The following FBXL5 variants were observed in gnomAD, a reference collection of about 807,000 sequenced individuals.
FBXL5 encodes the protein F-box/LRR-repeat protein 5.
Under a neutral mutation model 78.3 loss-of-function variants are expected in FBXL5, and 26 were observed. The observed-to-expected ratio is 0.33, with a 90% CI of 0.24 to 0.46. The LOEUF (loss-of-function observed/expected upper bound fraction) is 0.46, where lower values mean the gene tolerates loss of function less well. FBXL5 is among the 20% of genes least tolerant of loss of function. FBXL5 has a pLI of 1.00. For synonymous variants in FBXL5, 295 were observed against 282.5 expected (o/e 1.04, Z -0.45); for missense variants, 710 against 829.2 (o/e 0.86, Z 1.77).
At chr4:15,637,260 T>A (rs1714375837) in intron 4 of FBXL5, among the ~76,000 whole-genome samples, 1 of 152,248 alleles carries the variant, frequency 6.6e-6, no homozygotes, top group Non-Finnish European at 1.5e-5. Context: ...CGACAAAATG[T>A]AGATATTTCT....
intron 3 of FBXL5, among the ~76,000 whole-genome samples, chr4:15,639,965 A>G (rs200934737): frequency 2.9e-4 from 44 of 152,352 alleles, no homozygotes; most frequent in East Asian, 2.3e-3. Context: ...TAGAGACAGA[A>G]GAAAAAGGGA....
chr4:15,630,883 C>A, intron 5 of FBXL5, 92 bp from the exon 6 acceptor site: 4 of 1,505,878 alleles, frequency 2.7e-6, no homozygotes, highest in East Asian at 2.4e-5. Flanking sequence ...AAAATCTCTA[C>A]AAAGAGAAAA....
At chr4:15,636,964 C>A (rs1714346771) in intron 4 of FBXL5, among the ~76,000 whole-genome samples, 1 of 152,148 alleles carries the variant, frequency 6.6e-6, no homozygotes, top group Admixed American at 6.5e-5. Context: ...AAAAACAATA[C>A]TCACTTTGTA....
At chr4:15,646,262 C>A (rs910047806) in intron 1 of FBXL5, among the ~76,000 whole-genome samples, 1 of 152,110 alleles carries the variant, frequency 6.6e-6, no homozygotes, top group African/African-American at 2.4e-5. Flanking sequence ...AAATACTATT[C>A]TTCTTTTGAT....
At chr4:15,681,028 A>G (rs987935371) in intron 1 of FBXL5, among the ~76,000 whole-genome samples, 2 of 151,306 alleles carry the variant, frequency 1.3e-5, no homozygotes, top group African/African-American at 4.8e-5. Flanking sequence ...ACTTATTTGC[A>G]CGAACCTATC....
At chr4:15,649,038 C>A (rs1029022432) in intron 1 of FBXL5, among the ~76,000 whole-genome samples, 2 of 151,530 alleles carry the variant, frequency 1.3e-5, no homozygotes, top group Non-Finnish European at 2.9e-5. Flanking sequence ...ATCAACAGAT[C>A]AACAGATCAA....
intron 10 of FBXL5, among the ~76,000 whole-genome samples, chr4:15,609,444 T>C (rs1722097182): frequency 6.6e-6 from 1 of 152,096 alleles, no homozygotes; most frequent in African/African-American, 2.4e-5. Context: ...ATGCTGTATA[T>C]CTGCACTTAC....
At chr4:15,619,801 G>A (rs1712296284) in intron 9 of FBXL5, among the ~76,000 whole-genome samples, 2 of 152,152 alleles carry the variant, frequency 1.3e-5, no homozygotes, top group Non-Finnish European at 2.9e-5. Context: ...TCAGCAACAA[G>A]TAAGACCCAG....
chr4:15,670,637 C>T (rs1316344057), intron 1 of FBXL5, among the ~76,000 whole-genome samples: 1 of 152,076 alleles, frequency 6.6e-6, no homozygotes, highest in East Asian at 1.9e-4. Context: ...CCCTGGGCCC[C>T]TCCCCCCACA....
At chr4:15,635,729 G>A (rs150198850) in intron 5 of FBXL5, among the ~76,000 whole-genome samples, 136 of 148,480 alleles carry the variant, frequency 9.2e-4, no homozygotes, top group Middle Eastern at 6.9e-3. Context: ...CTCTTGCCTG[G>A]GCAACATGAG....
intron 9 of FBXL5, among the ~76,000 whole-genome samples, chr4:15,614,661 G>A (rs1711588995): frequency 6.6e-6 from 1 of 152,168 alleles, no homozygotes; most frequent in South Asian, 2.1e-4. Context: ...GGGGGATTAA[G>A]GTATGGTTCC....
intron 1 of FBXL5, among the ~76,000 whole-genome samples, chr4:15,679,796 C>T (rs1026404914): frequency 2.0e-5 from 3 of 151,368 alleles, no homozygotes; most frequent in Non-Finnish European, 4.4e-5. Flanking sequence ...GTCTCATTCT[C>T]TTCTCTGCTG....
Position 15,612,253 on chromosome 4 carries a change from T to TAA in FBXL5, c.1999+11_1999+12dup. Reference sequence around the variant, plus strand: ...AATTCCTTCAAAATTATCGCACTGTTAAAAGGCATTACCGTTAATGTTGTC... The same window carrying TAA: ...AATTCCTTCAAAATTATCGCACTGTTAAAAAAGGCATTACCGTTAATGTTGTC... On this transcript the variant is annotated intron_variant, in intron 10 of 10. Transcript: ENST00000341285. The TAA allele has an allele frequency of 6.4e-7, 1 of 1,565,022 alleles. No individual in the cohort carries two copies. The highest frequency in any genetic ancestry group is 8.6e-7 in the Non-Finnish European group (1 of 1,162,430).
At chr4:15,638,218 T>C (rs1714483715) in intron 4 of FBXL5, among the ~76,000 whole-genome samples, 2 of 152,362 alleles carry the variant, frequency 1.3e-5, no homozygotes, top group Admixed American at 6.5e-5. Context: ...AGCAGGCCAG[T>C]GCTCTGTACT....
intron 1 of FBXL5, among the ~76,000 whole-genome samples, chr4:15,665,356 A>G (rs778735569): frequency 1.3e-5 from 2 of 152,148 alleles, no homozygotes; most frequent in Non-Finnish European, 2.9e-5. Flanking sequence ...AGGTACAGCC[A>G]TACCCCTATA....
At chr4:15,622,638 G>A (rs1048377144) in intron 9 of FBXL5, among the ~76,000 whole-genome samples, 1 of 151,522 alleles carries the variant, frequency 6.6e-6, no homozygotes, top group Non-Finnish European at 1.5e-5. Flanking sequence ...ATTACAAACT[G>A]CATGAAGGCA....
intron 9 of FBXL5, among the ~76,000 whole-genome samples, chr4:15,615,261 A>G (rs10222722): frequency 0.76 from 114,718 of 151,938 alleles, 43,569 homozygotes; most frequent in East Asian, 0.91. Context: ...GCTCCACGGC[A>G]CCCAGTCCCA....
intron 3 of FBXL5, among the ~76,000 whole-genome samples, chr4:15,639,738 G>C (rs1166677398): frequency 1.3e-5 from 2 of 152,158 alleles, no homozygotes; most frequent in African/African-American, 2.4e-5. Flanking sequence ...AAATACCCAG[G>C]TCAATGCATG....
In FBXL5 at chr4:15,625,424, T is replaced by C. The variant is rs150604742; in HGVS notation, c.1678A>G (p.Met560Val). ...GCAGAAGATTCTGGGAGTGATGACATAGTTCTTAAAGCTGTTCCTGTACAA... is the reference window on the plus strand; with the variant it reads ...GCAGAAGATTCTGGGAGTGATGACACAGTTCTTAAAGCTGTTCCTGTACAA... Reference protein sequence around the residue: ...FCCTGTALRTMSSLPESSAMC... With the variant: ...FCCTGTALRTVSSLPESSAMC... Residue 560 changes from methionine to valine, a missense_variant, in exon 9 of 11, where the codon ATG becomes GTG. By Grantham distance (21) the Met-to-Val change is conservative. This residue lies in a region of FBXL5 where 517 missense variants were observed against 542.9 expected (regional missense o/e 0.95). Transcript: ENST00000341285. The C allele has an allele frequency of 6.2e-7, 1 of 1,614,152 alleles. No individual in the cohort carries two copies. Among genetic ancestry groups the C allele is most frequent in the Non-Finnish European group, 8.5e-7 (1 of 1,180,010 alleles).
Sources: gnomAD v4.1 joint callset for allele counts (sites outside exome capture counted in the v4.1 genomes callset) on GRCh38, gnomAD v4.1.1 for gene constraint, gnomAD v4.1.1 regional missense constraint, MANE v1.5 for transcripts, NCBI Gene and HGNC (gene_info 2026-07-23, HGNC 2026-07-21) for gene names.